Variants in RRM1 observed in about 807,000 individuals in gnomAD.
RRM1 encodes the protein ribonucleotide reductase catalytic subunit M1, also known as ribonucleoside-diphosphate reductase large subunit.
In RRM1, 19 loss-of-function variants were observed where a neutral mutation model predicts 101.5. That is an observed-to-expected ratio of 0.19 (90% CI 0.13 to 0.27). The LOEUF is 0.27. Ranked by LOEUF, RRM1 falls within the 10% of genes least tolerant of loss-of-function variation. The pLI is 1.00. For missense variants in RRM1, 500 were observed against 962.9 expected (o/e 0.52, Z 6.36); for synonymous variants, 298 against 323.4 (o/e 0.92, Z 0.84).
intron 4 of RRM1, among the ~76,000 whole-genome samples, chr11:4,108,597 CAAA>C (rs754848612): frequency 2.7e-5 from 2 of 72,984 alleles, no homozygotes; most frequent in African/African-American, 6.0e-5. Flanking sequence ...GACTCAGTCT[CAAA>C]AAAAAAAAAA....
At chr11:4,119,624 G>C in intron 8 of RRM1, 1 of 470,570 alleles carries the variant, frequency 2.1e-6, no homozygotes, top group Non-Finnish European at 3.8e-6. Context: ...TTATAAATTA[G>C]AAATGCCATG....
rs761189223 is a variant in RRM1 at position 4,138,411 on chromosome 11, C to A, written c.*28C>A. On this transcript the variant is annotated 3_prime_UTR_variant, in exon 19 of 19. Transcript: ENST00000300738. ...AAAGACTTGGAAGAGACCAGCATGT[C>A]TTCAGTAGCCAAACTACTTCTTGAG... The A allele has an allele frequency of 3.2e-5, 49 of 1,542,866 alleles. No individual in the cohort carries two copies. The highest frequency in any genetic ancestry group is 4.1e-5 in the Non-Finnish European group (47 of 1,142,842).
Position 4,121,818 on chromosome 11 carries a change from C to T in RRM1, c.1038+53C>T, listed in dbSNP as rs2094582291. The T allele has an allele frequency of 4.0e-6, 6 of 1,500,262 alleles. No individual in the cohort carries two copies. In the Middle Eastern group the frequency reaches 7.1e-4, roughly 177 times the overall value. 92.9% of individuals were successfully genotyped at this position (1,500,262 alleles called of 1,614,324 possible). ...GCAACTTGATTCACATGAGCTTTCT[C>T]TTTTTTAGTCATCTTAAGTCATGCT... is the stretch of plus-strand genomic sequence containing the variant. On this transcript the variant is annotated intron_variant, in intron 10 of 18. Coordinates refer to ENST00000300738, the MANE Select transcript of RRM1 (RefSeq NM_001033.5).
chr11:4,115,563 C>A (rs921867624), intron 7 of RRM1, among the ~76,000 whole-genome samples: 5 of 151,576 alleles, frequency 3.3e-5, no homozygotes, highest in African/African-American at 4.8e-5. Context: ...CCTCCACTTA[C>A]CTTTTTTTTT....
intron 2 of RRM1, chr11:4,105,578 C>CTTTTTTTTTTTTTTTTT: frequency 1.4e-5 from 4 of 281,534 alleles, no homozygotes; most frequent in South Asian, 2.5e-5. Context: ...TTTTTCTTTC[C>CTTTTTTTTTTTTTTTTT]TTTTTTTTTT....
intron 1 of RRM1, among the ~76,000 whole-genome samples, chr11:4,096,167 A>G (rs1445861898): frequency 6.6e-6 from 1 of 152,130 alleles, no homozygotes; most frequent in Non-Finnish European, 1.5e-5. Context: ...CTGGGACTAT[A>G]GGCATGCACC....
intron 18 of RRM1, among the ~76,000 whole-genome samples, chr11:4,136,183 A>C (rs2094609386): frequency 6.6e-6 from 1 of 151,468 alleles, no homozygotes; most frequent in African/African-American, 2.5e-5. Context: ...AGTTTAAAAA[A>C]AGTTTGATCT....
At chr11:4,099,377 A>T (rs1358443016) in intron 1 of RRM1, 1 of 141,526 alleles carries the variant, frequency 7.1e-6, no homozygotes, top group Non-Finnish European at 1.5e-5. Context: ...TCCTGACCTC[A>T]GGTGATCCGC....
intron 1 of RRM1, among the ~76,000 whole-genome samples, chr11:4,098,554 C>G (rs573854312): frequency 1.3e-5 from 2 of 152,024 alleles, no homozygotes; most frequent in Non-Finnish European, 2.9e-5. Flanking sequence ...ATCCTACAAT[C>G]AATTGAGAAA....
At chr11:4,101,401 C>T (rs2094550696) in intron 1 of RRM1, among the ~76,000 whole-genome samples, 1 of 151,982 alleles carries the variant, frequency 6.6e-6, no homozygotes, top group East Asian at 1.9e-4. Flanking sequence ...CAACCTCCGC[C>T]TCCTGGGTTC....
At chr11:4,127,631 A>G (rs1357007382) in intron 14 of RRM1, among the ~76,000 whole-genome samples, 10 of 152,148 alleles carry the variant, frequency 6.6e-5, no homozygotes, top group Middle Eastern at 3.2e-3. Context: ...CCCTCCCAAC[A>G]TGTTGATTTT....
At chr11:4,101,385 T>A (rs1355279335) in intron 1 of RRM1, among the ~76,000 whole-genome samples, 1 of 151,970 alleles carries the variant, frequency 6.6e-6, no homozygotes, top group East Asian at 1.9e-4. Context: ...TGATCTCAGC[T>A]CACTGCAACC....
intron 8 of RRM1, 127 bp downstream of exon 8, chr11:4,118,588 G>A: frequency 2.4e-6 from 2 of 821,362 alleles, no homozygotes; most frequent in Non-Finnish European, 3.8e-6. Flanking sequence ...ATGGCTATGT[G>A]ACTTGGAGTG....
At chr11:4,098,110 A>G (rs527754803) in intron 1 of RRM1, among the ~76,000 whole-genome samples, 7 of 152,360 alleles carry the variant, frequency 4.6e-5, no homozygotes, top group African/African-American at 1.7e-4. Flanking sequence ...AGTATTTTCA[A>G]AACTTTGGAT....
intron 18 of RRM1, among the ~76,000 whole-genome samples, chr11:4,136,034 C>T (rs146111889): frequency 1.8e-4 from 27 of 151,492 alleles, no homozygotes; most frequent in African/African-American, 6.5e-4. Context: ...AAGTCATATG[C>T]ATAAAAACAA....
Position 4,132,393 on chromosome 11 carries a change from C to G in RRM1, c.1877C>G (p.Thr626Ser). Residue 626 changes from threonine (T) to serine (S), a missense_variant, in exon 16 of 19, where the codon ACT (threonine) becomes AGT (serine). This residue lies in a region of RRM1 where 79 missense variants were observed against 176.4 expected (regional missense o/e 0.45). Coordinates refer to ENST00000300738, the MANE Select transcript of RRM1 (RefSeq NM_001033.5). This position sits in a 1 kb window ranked among gnomAD's most constrained non-coding sequence, Gnocchi z 4.1. ...GAACCTTACACCAGCAACATCTATACTCGCAGAGTCTTGTCAGGAGAATTT... is the reference window on the plus strand; with the variant it reads ...GAACCTTACACCAGCAACATCTATAGTCGCAGAGTCTTGTCAGGAGAATTT... ...SIEPYTSNIYTRRVLSGEFQI... is the reference protein window; with the variant it reads ...SIEPYTSNIYSRRVLSGEFQI... 6.2e-7 allele frequency: 1 copy of G among 1,614,120 alleles called. No individual in the cohort carries two copies. Among genetic ancestry groups the G allele is most frequent in the Non-Finnish European group, 8.5e-7 (1 of 1,179,984 alleles).
intron 1 of RRM1, among the ~76,000 whole-genome samples, chr11:4,096,653 T>A (rs945458227): frequency 6.6e-6 from 1 of 152,096 alleles, no homozygotes; most frequent in Non-Finnish European, 1.5e-5. Context: ...TGTATTTTTA[T>A]TTTTTTACAT....
At chr11:4,112,646 G>A (rs578056541) in intron 7 of RRM1, among the ~76,000 whole-genome samples, 147 of 152,346 alleles carry the variant, frequency 9.6e-4, no homozygotes, top group African/African-American at 3.4e-3. Context: ...TTGTAGGCAT[G>A]AGCCACCACG....
chr11:4,095,503 C>G (rs2133280116), intron 1 of RRM1, among the ~76,000 whole-genome samples: 1 of 152,246 alleles, frequency 6.6e-6, no homozygotes, highest in East Asian at 1.9e-4. Context: ...CGGGGGGCAG[C>G]TAGGAAAGAA....
Sources: allele counts gnomAD v4.1 joint callset (sites outside exome capture counted in the v4.1 genomes callset), GRCh38; gene constraint gnomAD v4.1.1; regional missense constraint gnomAD v4.1.1; non-coding constraint Gnocchi (gnomAD v3.1); transcripts MANE v1.5; gene names NCBI Gene and HGNC (gene_info 2026-07-23, HGNC 2026-07-21).